CFAP263: variants seen among roughly 807,000 people sequenced by gnomAD.
CFAP263 encodes cilia- and flagella-associated protein 263.
the CFAP263 span, among the ~76,000 whole-genome samples, chr16:58,265,835 G>A: frequency 2.0e-5 from 3 of 152,150 alleles, no homozygotes; most frequent in Admixed American, 6.5e-5. Flanking sequence ...ATCAGCCTTC[G>A]TGGATACCTG....
At chr16:58,257,299 G>A in the CFAP263 span, among the ~76,000 whole-genome samples, 17 of 112,106 alleles carry the variant, frequency 1.5e-4, 1 homozygote, top group Admixed American at 2.3e-4. Context: ...TTACAGGCGT[G>A]AGCCACCGCG....
At chr16:58,253,908 A>G in the CFAP263 span, 1 of 1,411,334 alleles carries the variant, frequency 7.1e-7, no homozygotes, top group Admixed American at 1.8e-5. Flanking sequence ...GGGAACTTCT[A>G]GCAGGTCAGA....
chr16:58,253,462 G>GA, the CFAP263 span, among the ~76,000 whole-genome samples: 2 of 152,182 alleles, frequency 1.3e-5, no homozygotes, highest in African/African-American at 4.8e-5. Flanking sequence ...CCTAAATGAG[G>GA]AAAGTGGGCC....
the CFAP263 span, among the ~76,000 whole-genome samples, chr16:58,259,299 G>T: frequency 5.9e-5 from 9 of 152,094 alleles, no homozygotes; most frequent in Admixed American, 3.3e-4. Context: ...GAACTCTTGG[G>T]CTCCAACAGT....
chr16:58,279,978 G>C, the CFAP263 span: 1 of 617,632 alleles, frequency 1.6e-6, no homozygotes. Flanking sequence ...ACCACTGAAA[G>C]AACCACAGGG....
chr16:58,267,718 T>C, the CFAP263 span: 1 of 618,860 alleles, frequency 1.6e-6, no homozygotes, highest in Non-Finnish European at 2.9e-6. Context: ...AAAATCAAAA[T>C]AGCTCTGGGC....
chr16:58,251,686 C>T, the CFAP263 span, among the ~76,000 whole-genome samples: 1 of 152,208 alleles, frequency 6.6e-6, no homozygotes, highest in African/African-American at 2.4e-5. Flanking sequence ...GCCACCACAC[C>T]TGGCCCCACT....
chr16:58,252,251 T>C, the CFAP263 span, among the ~76,000 whole-genome samples: 1 of 152,066 alleles, frequency 6.6e-6, no homozygotes, highest in Admixed American at 6.6e-5. Context: ...GCACCTGCAG[T>C]CCTAGCTACT....
the CFAP263 span, chr16:58,267,713 C>A: frequency 1.6e-6 from 1 of 628,346 alleles, no homozygotes. Context: ...CAATAAAAAT[C>A]AAAATAGCTC....
the CFAP263 span, chr16:58,267,681 G>A: frequency 2.7e-6 from 2 of 737,752 alleles, no homozygotes; most frequent in Non-Finnish European, 2.3e-6. Context: ...CCACCTTGCT[G>A]GTTTATCTAG....
At chr16:58,278,260 C>T in the CFAP263 span, among the ~76,000 whole-genome samples, 2 of 130,240 alleles carry the variant, frequency 1.5e-5, no homozygotes, top group Non-Finnish European at 3.4e-5. Context: ...ATGAAAGAAA[C>T]AAGACTATTT....
At chr16:58,253,236 C>A in the CFAP263 span, among the ~76,000 whole-genome samples, 1 of 151,918 alleles carries the variant, frequency 6.6e-6, no homozygotes, top group Non-Finnish European at 1.5e-5. Context: ...CTTAAATTAG[C>A]CAGATGTGGT....
the CFAP263 span, among the ~76,000 whole-genome samples, chr16:58,260,507 G>C: frequency 6.6e-6 from 1 of 152,214 alleles, no homozygotes; most frequent in Non-Finnish European, 1.5e-5. Flanking sequence ...TGTAGACAGA[G>C]TTGGCGTGAA....
At chr16:58,259,471 A>G in the CFAP263 span, among the ~76,000 whole-genome samples, 1 of 152,222 alleles carries the variant, frequency 6.6e-6, no homozygotes, top group African/African-American at 2.4e-5. Flanking sequence ...GTCAAGCTTT[A>G]GATCCTGGAG....
the CFAP263 span, chr16:58,267,515 C>T: frequency 6.2e-7 from 1 of 1,613,776 alleles, no homozygotes; most frequent in South Asian, 1.1e-5. Flanking sequence ...ATACCTCAAT[C>T]TGGACAAGGA....
chr16:58,252,622 C>A, the CFAP263 span: 3 of 920,014 alleles, frequency 3.3e-6, no homozygotes, highest in Admixed American at 2.1e-5. Flanking sequence ...GAAACTAAGG[C>A]ACCAAGGGGC....
At chr16:58,267,506 T>G in the CFAP263 span, 1 of 1,613,844 alleles carries the variant, frequency 6.2e-7, no homozygotes, top group Non-Finnish European at 8.5e-7. Context: ...AATGGAAATA[T>G]ACCTCAATCT....
the CFAP263 span, among the ~76,000 whole-genome samples, chr16:58,278,122 T>C: frequency 6.6e-6 from 1 of 152,040 alleles, no homozygotes; most frequent in Non-Finnish European, 1.5e-5. Flanking sequence ...GACATGGAAG[T>C]GAATTGAGTC....
the CFAP263 span, among the ~76,000 whole-genome samples, chr16:58,257,320 A>T: frequency 6.6e-6 from 1 of 152,110 alleles, no homozygotes; most frequent in Non-Finnish European, 1.5e-5. Flanking sequence ...CCCAGCCTGC[A>T]TATATGAATT....
Sources: gnomAD v4.1 joint callset for allele counts (sites outside exome capture counted in the v4.1 genomes callset) on GRCh38, gnomAD v4.1.1 for gene constraint, MANE v1.5 for transcripts, NCBI Gene and HGNC (gene_info 2026-07-23, HGNC 2026-07-21) for gene names.